Variants in PPP1R12A observed in about 807,000 individuals in gnomAD.
PPP1R12A encodes the protein protein phosphatase 1 regulatory subunit 12A.
PPP1R12A carries 19 observed loss-of-function variants against 139.6 expected under a neutral mutation model. The ratio of observed to expected loss-of-function variants is 0.14; its 90% CI spans 0.09 to 0.20. The LOEUF (loss-of-function observed/expected upper bound fraction) is 0.20, where lower values mean the gene tolerates loss of function less well. PPP1R12A is among the 10% of genes least tolerant of loss of function. PPP1R12A has a pLI of 1.00. For synonymous variants in PPP1R12A, 427 were observed against 420.6 expected (o/e 1.02, Z -0.19); for missense variants, 925 against 1,211.5 (o/e 0.76, Z 3.51).
chr12:79,887,214 A>G (rs1884185016), intron 1 of PPP1R12A, among the ~76,000 whole-genome samples: 4 of 152,216 alleles, frequency 2.6e-5, no homozygotes, highest in African/African-American at 9.6e-5. Context: ...ATAAGTAGGC[A>G]TTTATGACCT....
rs774548877 is a variant in PPP1R12A, at chr12:79,817,484, G to A, written c.1149C>T (p.Ala383=). 6.2e-7 allele frequency: 1 copy of A among 1,602,688 alleles called. No individual in the cohort carries two copies. Among genetic ancestry groups the A allele is most frequent in the South Asian group, 1.1e-5 (1 of 89,454 alleles). The part of the protein sequence containing the change: ...KTKPLASVTN[A]NTSSTQAAPV... ...GAGCTGCTTGTGTACTAGAAGTGTT[G>A]GCATTAGTTACAGAAGCCAGGGGTT... is the stretch of plus-strand genomic sequence containing the variant. Residue 383 remains alanine, a synonymous_variant, in exon 9 of 25, where the codon GCC becomes GCT. Coordinates refer to ENST00000450142, the MANE Select transcript of PPP1R12A (RefSeq NM_002480.3).
chr12:79,907,852 C>T lies in PPP1R12A; in HGVS notation c.237+26843G>A, dbSNP rs887558189. On this transcript the variant is annotated intron_variant, in intron 1 of 24. Transcript: ENST00000450142. ...GTTCAAGATTATATTGAATTATGATCCTGCTGCTGTACTCCAGGTTGGGAG... is the reference window on the plus strand; with the variant it reads ...GTTCAAGATTATATTGAATTATGATTCTGCTGCTGTACTCCAGGTTGGGAG... Among the ~76,000 whole-genome samples the T allele has an allele frequency of 5.9e-5, 9 of 152,266 alleles. No homozygotes were observed. The South Asian group carries it at 1.2e-3, about 21-fold the overall frequency.
At chr12:79,793,128 C>T (rs1872097630) in intron 19 of PPP1R12A, among the ~76,000 whole-genome samples, 1 of 152,152 alleles carries the variant, frequency 6.6e-6, no homozygotes, top group Non-Finnish European at 1.5e-5. Flanking sequence ...TCATGCTAGA[C>T]AGTGCCAGGT....
At chr12:79,934,481 C>A (rs1302620345) in intron 1 of PPP1R12A, among the ~76,000 whole-genome samples, 1 of 152,194 alleles carries the variant, frequency 6.6e-6, no homozygotes, top group Non-Finnish European at 1.5e-5. Flanking sequence ...GTTCCCAACT[C>A]CACCAGCAAC....
intron 14 of PPP1R12A, 56 bp from the exon 15 acceptor site, chr12:79,798,640 A>C: frequency 1.1e-6 from 1 of 946,512 alleles, no homozygotes; most frequent in African/African-American, 1.6e-5. Flanking sequence ...GTGAATGTAA[A>C]TATCTATCAA....
chr12:79,781,199 T>C (rs1373321108), intron 23 of PPP1R12A, among the ~76,000 whole-genome samples: 1 of 152,118 alleles, frequency 6.6e-6, no homozygotes, highest in Non-Finnish European at 1.5e-5. Flanking sequence ...CCTAGACCTT[T>C]GAGCAACAAT....
intron 2 of PPP1R12A, among the ~76,000 whole-genome samples, chr12:79,860,407 T>G (rs1213999584): frequency 6.6e-6 from 1 of 152,168 alleles, no homozygotes; most frequent in African/African-American, 2.4e-5. Context: ...TGATAAACTA[T>G]AATGAATACT....
intron 12 of PPP1R12A, 152 bp downstream of exon 12, chr12:79,807,074 C>G (rs11114246): frequency 4.0e-6 from 2 of 506,158 alleles, no homozygotes; most frequent in African/African-American, 2.0e-5. Flanking sequence ...AAATATATAT[C>G]CTGTGTTTAG....
At chr12:79,777,223 C>A (rs920709115) in intron 24 of PPP1R12A, 1 of 929,666 alleles carries the variant, frequency 1.1e-6, no homozygotes, top group African/African-American at 1.8e-5. Context: ...AAATAATAGT[C>A]ATATTTTAAG....
At chr12:79,923,135 A>G (rs1165772015) in intron 1 of PPP1R12A, among the ~76,000 whole-genome samples, 1 of 152,120 alleles carries the variant, frequency 6.6e-6, no homozygotes, top group Non-Finnish European at 1.5e-5. Flanking sequence ...TTAGCCGGGC[A>G]TGATGGCGGG....
intron 1 of PPP1R12A, among the ~76,000 whole-genome samples, chr12:79,903,809 CA>C (rs963732532): frequency 6.6e-6 from 1 of 152,018 alleles, no homozygotes; most frequent in African/African-American, 2.4e-5. Context: ...CACAGCTCTT[CA>C]AAAAAATAAA....
At chr12:79,836,661 C>G (rs938972923) in intron 3 of PPP1R12A, among the ~76,000 whole-genome samples, 17 of 152,026 alleles carry the variant, frequency 1.1e-4, no homozygotes, top group Non-Finnish European at 5.9e-5. Context: ...TTTTAAAATA[C>G]TACCGATTAG....
At chr12:79,812,391 C>CGTGCGTGTGTGTGTGTGT (rs1555202885) in intron 9 of PPP1R12A, among the ~76,000 whole-genome samples, 1 of 134,510 alleles carries the variant, frequency 7.4e-6, no homozygotes, top group African/African-American at 2.9e-5. Context: ...TCTGTGTGTG[C>CGTGCGTGTGTGTGTGTGT]GTGTGTGTGT....
intron 1 of PPP1R12A, among the ~76,000 whole-genome samples, chr12:79,879,534 T>G (rs1883433795): frequency 2.6e-5 from 4 of 151,930 alleles, no homozygotes; most frequent in African/African-American, 9.7e-5. Context: ...TCCTATAAAC[T>G]GATTAAAAAA....
chr12:79,908,890 A>ATAAT (rs1886332962), intron 1 of PPP1R12A, among the ~76,000 whole-genome samples: 1 of 152,194 alleles, frequency 6.6e-6, no homozygotes, highest in Non-Finnish European at 1.5e-5. Flanking sequence ...AGAACACATT[A>ATAAT]GCTGGCAAGA....
chr12:79,835,777 T>A (rs1021453643), intron 3 of PPP1R12A, among the ~76,000 whole-genome samples: 1 of 152,244 alleles, frequency 6.6e-6, no homozygotes, highest in Admixed American at 6.5e-5. Context: ...TCATCTATAG[T>A]CTTTCTCCCT....
intron 14 of PPP1R12A, among the ~76,000 whole-genome samples, chr12:79,798,877 T>G (rs1360246894): frequency 6.6e-6 from 1 of 152,174 alleles, no homozygotes; most frequent in African/African-American, 2.4e-5. Flanking sequence ...AAAAAGGATT[T>G]AGAGAACTGA....
chr12:79,882,390 TGAAG>T (rs1883716087), intron 1 of PPP1R12A, among the ~76,000 whole-genome samples: 1 of 152,068 alleles, frequency 6.6e-6, no homozygotes, highest in African/African-American at 2.4e-5. Flanking sequence ...AAGACTTCAG[TGAAG>T]GAAGTAACTG....
At chr12:79,827,485 G>C (rs777080478) in intron 5 of PPP1R12A, among the ~76,000 whole-genome samples, 1 of 152,064 alleles carries the variant, frequency 6.6e-6, no homozygotes, top group South Asian at 2.1e-4. Context: ...TCTATGGAAA[G>C]GTAATCAAAC....
Sources: allele counts gnomAD v4.1 joint callset (sites outside exome capture counted in the v4.1 genomes callset), GRCh38; gene constraint gnomAD v4.1.1; transcripts MANE v1.5; gene names NCBI Gene and HGNC (gene_info 2026-07-23, HGNC 2026-07-21).